The following CGNL1 variants were observed in gnomAD, a reference collection of about 807,000 sequenced individuals.
The protein encoded by CGNL1 is cingulin-like protein 1.
Under a neutral mutation model 141.2 loss-of-function variants are expected in CGNL1, and 132 were observed. That is an observed-to-expected ratio of 0.93 (90% confidence interval 0.81 to 1.08). The LOEUF is 1.08. CGNL1 is among the 50% of genes least tolerant of loss of function. CGNL1 has a pLI of 0.00. For missense variants in CGNL1, 1,870 were observed against 1,588.6 expected (o/e 1.18, Z -3.01); for synonymous variants, 690 against 622.1 (o/e 1.11, Z -1.63).
At chr15:57,466,139 G>A (rs1752822073) in intron 8 of CGNL1, among the ~76,000 whole-genome samples, 1 of 152,192 alleles carries the variant, frequency 6.6e-6, no homozygotes, top group Non-Finnish European at 1.5e-5. Flanking sequence ...TAGTCTGTTA[G>A]GAGAGTATAT....
chr15:57,461,757 A>G lies in CGNL1; in HGVS notation c.2268A>G (p.Arg756=). 6.2e-7 allele frequency: 1 copy of G among 1,614,182 alleles called. No homozygotes were observed. The highest frequency in any genetic ancestry group is 1.3e-5 in the African/African-American group (1 of 75,058). The change falls in exon 8 of 19, where the codon CGA becomes CGG. Residue 756 remains arginine (R), a synonymous_variant. Transcript: ENST00000281282. ...KEEQEDLLRK[R]ERELTALKGA... ...AGCAAGAAGACCTCTTGAGAAAGCG[A>G]GAGCGTGAACTCACCGCCCTGAAGG...
At chr15:57,442,289 T>G in intron 3 of CGNL1, 84 bp from the exon 4 acceptor site, 1 of 744,634 alleles carries the variant, frequency 1.3e-6, no homozygotes, top group Admixed American at 2.3e-5. Context: ...TTAAAGGACC[T>G]GTTGGGTGTG....
rs34527096 is a variant in CGNL1, at chr15:57,426,447, ATT to A, written c.-15-11523_-15-11522del. 2.9e-3 allele frequency among the ~76,000 whole-genome samples: 409 copies of A among 139,800 alleles called. 9 individuals are homozygous for A. In the East Asian group the frequency reaches 0.049, roughly 17 times the overall value. 91.7% of individuals were successfully genotyped at this position (139,800 alleles called of 152,430 possible). On this transcript the variant is annotated intron_variant, in intron 1 of 18. Transcript: ENST00000281282. ...GGCATGAGCCACCACACCAGGCCAC[ATT>A]TTTTTTTTTTTTTTAAAGACAGGTT...
At chr15:57,451,742 C>T in intron 5 of CGNL1, 141 bp downstream of exon 5, 1 of 632,190 alleles carries the variant, frequency 1.6e-6, no homozygotes, top group East Asian at 2.8e-5. Context: ...TGAATAAATT[C>T]CTGTGTATTT....
intron 8 of CGNL1, among the ~76,000 whole-genome samples, chr15:57,512,949 C>CTT (rs35325166): frequency 6.8e-6 from 1 of 147,786 alleles, no homozygotes; most frequent in South Asian, 2.1e-4. Flanking sequence ...TTTGTTTACC[C>CTT]TTTTTTTTTT....
At chr15:57,421,664 C>G (rs1456493913) in intron 1 of CGNL1, among the ~76,000 whole-genome samples, 1 of 152,130 alleles carries the variant, frequency 6.6e-6, no homozygotes, top group Non-Finnish European at 1.5e-5. Context: ...GGAGAGCCCA[C>G]TTTTACAGCA....
Position 57,443,633 on chromosome 15 carries a change from A to G in CGNL1, c.1803+1155A>G, listed in dbSNP as rs566128716. On this transcript the variant is annotated intron_variant, in intron 4 of 18. Transcript: ENST00000281282. The stretch of plus-strand genomic sequence containing the variant: ...CCTCAAATAGAACAATGCCGTACAC[A>G]CACATACGCAATTCCCACTGGGGAA... 3.0e-3 allele frequency among the ~76,000 whole-genome samples: 454 copies of G among 152,320 alleles called. 1 individual carries two copies. The highest frequency in any genetic ancestry group is 5.2e-3 in the Non-Finnish European group (351 of 68,026).
Position 57,440,486 on chromosome 15 carries a change from C to A in CGNL1, c.1697+15C>A. On this transcript the variant is annotated intron_variant, in intron 3 of 18. Coordinates refer to ENST00000281282, the MANE Select transcript of CGNL1 (RefSeq NM_032866.5). ...CTCAAAGAAGGGTTAGTGATTTTCC[C>A]TCTGAAAGAGCAAAGTATTGTTGTT... 1.9e-6 allele frequency: 3 copies of A among 1,544,752 alleles called. No homozygotes were observed. Among genetic ancestry groups the A allele is most frequent in the East Asian group, 2.3e-5 (1 of 43,028 alleles).
intron 14 of CGNL1, among the ~76,000 whole-genome samples, chr15:57,541,035 C>G (rs1403526369): frequency 1.3e-5 from 2 of 152,184 alleles, no homozygotes; most frequent in African/African-American, 4.8e-5. Flanking sequence ...CACACAGTAC[C>G]CTGAAGGGTA....
At chr15:57,382,396 G>A (rs560055618) in intron 1 of CGNL1, among the ~76,000 whole-genome samples, 6 of 152,162 alleles carry the variant, frequency 3.9e-5, no homozygotes, top group Non-Finnish European at 5.9e-5. Context: ...TGTTATGAAC[G>A]TGCAATATTT....
At position 57,451,559 on chromosome 15, in the gene CGNL1, A is replaced by G. The variant is rs766086814; in HGVS notation, c.1863A>G (p.Ile621Met). The change falls in exon 5 of 19, where the codon ATA becomes ATG. Residue 621 changes from isoleucine to methionine, a missense_variant. By Grantham distance (10) the Ile-to-Met change is conservative. Coordinates refer to ENST00000281282, the MANE Select transcript of CGNL1 (RefSeq NM_032866.5). ...DLLEQKSKLT[I>M]EVAELQRQLQ... is the part of the protein sequence containing the mutation. ...TGGAACAGAAAAGCAAGTTGACCATAGAAGTGGCTGAACTTCAGAGACAGC... is the reference window on the plus strand; with the variant it reads ...TGGAACAGAAAAGCAAGTTGACCATGGAAGTGGCTGAACTTCAGAGACAGC... 1 of 1,612,800 alleles carries G rather than the reference A, an allele frequency of 6.2e-7. No individual in the cohort carries two copies. Among genetic ancestry groups the G allele is most frequent in the African/African-American group, 1.3e-5 (1 of 75,006 alleles).
rs1459570960 is a variant in CGNL1, at chr15:57,518,323, A to C, written c.2611-70A>C. ...CTATGGGTGTCTTCGGTGTTCATTT[A>C]ATTCCATTGAGTCAGTTTCATAGGT... On this transcript the variant is annotated intron_variant, in intron 9 of 18. Transcript: ENST00000281282. 5 of 1,151,222 alleles carry C rather than the reference A, an allele frequency of 4.3e-6. No individual in the cohort carries two copies. In the African/African-American group the frequency reaches 7.7e-5, roughly 18 times the overall value. 71.3% of individuals were successfully genotyped at this position (1,151,222 alleles called of 1,614,324 possible).
intron 1 of CGNL1, among the ~76,000 whole-genome samples, chr15:57,422,170 A>C (rs1416577928): frequency 6.6e-6 from 1 of 151,416 alleles, no homozygotes; most frequent in Non-Finnish European, 1.5e-5. Flanking sequence ...TCTGCCTTTT[A>C]TGTTTCTTCC....
chr15:57,443,289 A>T (rs1478388623), intron 4 of CGNL1, among the ~76,000 whole-genome samples: 3 of 152,198 alleles, frequency 2.0e-5, no homozygotes, highest in Non-Finnish European at 4.4e-5. Context: ...TTTGATAAAC[A>T]ACTACTCTAT....
intron 14 of CGNL1, among the ~76,000 whole-genome samples, chr15:57,538,811 G>T (rs1409829647): frequency 1.3e-5 from 2 of 152,168 alleles, no homozygotes; most frequent in Non-Finnish European, 2.9e-5. Context: ...CCACAGTCCC[G>T]GTCTAAACTC....
chr15:57,460,356 G>A (rs1419543659), intron 7 of CGNL1, among the ~76,000 whole-genome samples: 2 of 152,200 alleles, frequency 1.3e-5, no homozygotes, highest in African/African-American at 4.8e-5. Flanking sequence ...TTGTGAAGTA[G>A]AGGCAGTGAA....
intron 8 of CGNL1, among the ~76,000 whole-genome samples, chr15:57,470,217 G>A (rs1329995177): frequency 2.1e-5 from 3 of 142,222 alleles, no homozygotes; most frequent in Non-Finnish European, 4.6e-5. Context: ...GAAATGGGAA[G>A]ATTCAAGGCT....
At chr15:57,429,345 T>C (rs556179319) in intron 1 of CGNL1, among the ~76,000 whole-genome samples, 1 of 152,306 alleles carries the variant, frequency 6.6e-6, no homozygotes. Flanking sequence ...GGATGGCAAG[T>C]GCATTTTATT....
In CGNL1 at chr15:57,453,772, A is replaced by G; in HGVS notation, c.2144A>G (p.Asp715Gly). The change falls in exon 7 of 19, where the codon GAC becomes GGC. Residue 715 changes from aspartate (D) to glycine (G), a missense_variant. By Grantham distance (94) the Asp-to-Gly change is moderately conservative. Transcript: ENST00000281282. ...DQLSEMHDEL[D>G]SAKRSEDREK... ...CTCTCAGAAATGCACGATGAACTGGACAGTGCAAAGCGATCGGAGGACAGG... is the reference window on the plus strand; with the variant it reads ...CTCTCAGAAATGCACGATGAACTGGGCAGTGCAAAGCGATCGGAGGACAGG... 6.2e-7 allele frequency: 1 copy of G among 1,613,952 alleles called. No homozygotes were observed. The highest frequency in any genetic ancestry group is 8.5e-7 in the Non-Finnish European group (1 of 1,179,942).
Sources: gnomAD v4.1 joint callset for allele counts (sites outside exome capture counted in the v4.1 genomes callset) on GRCh38, gnomAD v4.1.1 for gene constraint, MANE v1.5 for transcripts, NCBI Gene and HGNC (gene_info 2026-07-23, HGNC 2026-07-21) for gene names.